The following ZIM2 variants were observed in gnomAD, a reference collection of about 807,000 sequenced individuals.
ZIM2 encodes the protein zinc finger imprinted 2.
Under a neutral mutation model 38.6 loss-of-function variants are expected in ZIM2, and 14 were observed. That is an observed-to-expected ratio of 0.36 (90% CI 0.24 to 0.57). ZIM2 has a LOEUF of 0.57. ZIM2 is among the 20% of genes least tolerant of loss of function. The pLI is 0.81. For missense variants in ZIM2, 680 were observed against 695.1 expected, an observed-to-expected ratio of 0.98 and a Z score of 0.24; for synonymous variants, 247 against 245.8, an observed-to-expected ratio of 1.00 and a Z score of -0.04.
intron 10 of ZIM2, among the ~76,000 whole-genome samples, chr19:56,783,567 G>A (rs113156007): frequency 7.2e-5 from 11 of 152,298 alleles, no homozygotes; most frequent in African/African-American, 2.4e-4. Flanking sequence ...GCGAACTAAC[G>A]CAGAAACAGA....
At chr19:56,815,609 T>G in intron 9 of ZIM2, 1 of 1,614,212 alleles carries the variant, frequency 6.2e-7, no homozygotes, top group East Asian at 2.2e-5. Flanking sequence ...TCATTGCTCC[T>G]ATGCTCAATG....
At chr19:56,829,291 C>T (rs112997664) in intron 2 of ZIM2, among the ~76,000 whole-genome samples, 5,720 of 147,346 alleles carry the variant, frequency 0.039, 347 homozygotes, top group African/African-American at 0.14. Flanking sequence ...TTGCAGTGAG[C>T]CAAAATCGCA....
chr19:56,833,760 T>C, intron 2 of ZIM2: 1 of 154,244 alleles, frequency 6.5e-6, no homozygotes. Flanking sequence ...TCTGGTCCAA[T>C]CACCTATGAA....
chr19:56,816,729 G>C (rs764706496), intron 9 of ZIM2: 1 of 1,614,080 alleles, frequency 6.2e-7, no homozygotes, highest in Non-Finnish European at 8.5e-7. Flanking sequence ...TATGAAGGAA[G>C]GTTTCCTTAC....
At chr19:56,783,513 A>G (rs1457769352) in intron 10 of ZIM2, among the ~76,000 whole-genome samples, 2 of 151,572 alleles carry the variant, frequency 1.3e-5, no homozygotes, top group Non-Finnish European at 3.0e-5. Context: ...AGCAACCGGA[A>G]TGCAACCGGA....
chr19:56,803,447 C>T (rs191096737), intron 9 of ZIM2, among the ~76,000 whole-genome samples: 53 of 152,328 alleles, frequency 3.5e-4, no homozygotes, highest in East Asian at 1.9e-3. Flanking sequence ...TACAAGCCAG[C>T]GCTCTCTTGC....
intron 9 of ZIM2, chr19:56,791,154 G>A (rs2046911129): frequency 6.6e-6 from 1 of 152,086 alleles, no homozygotes; most frequent in Admixed American, 6.6e-5. Context: ...ATATCCATAT[G>A]AGGCACTCAT....
intron 6 of ZIM2, 116 bp downstream of exon 6, chr19:56,822,637 G>T: frequency 7.1e-7 from 1 of 1,412,984 alleles, no homozygotes; most frequent in Non-Finnish European, 9.6e-7. Context: ...TTGGGGAAGC[G>T]GAATATACTC....
intron 9 of ZIM2, chr19:56,816,138 G>A (rs757486616): frequency 1.2e-6 from 2 of 1,613,564 alleles, no homozygotes; most frequent in Non-Finnish European, 1.7e-6. Context: ...TTGCCTCATA[G>A]ACATTTTCCT....
At position 56,775,355 on chromosome 19, in the gene ZIM2, G is replaced by A. The variant is rs1323843845; in HGVS notation, c.1010C>T (p.Pro337Leu). 8.1e-6 allele frequency: 13 copies of A among 1,614,020 alleles called. No homozygotes were observed. Among genetic ancestry groups the A allele is most frequent in the East Asian group, 4.5e-5 (2 of 44,898 alleles). ...KQSKDPLGKD[P>L]QEGTAPGICT... ...TATTCCAGGAGCAGTGCCTTCCTGG[G>A]GATCCTTTCCTAGAGGATCCTTTGA... The change falls in exon 13 of 13, where the codon CCC (proline) becomes CTC (leucine). Residue 337 changes from proline (P) to leucine (L), a missense_variant. By Grantham distance (98) the Pro-to-Leu change is moderately conservative. Coordinates refer to ENST00000629319, the MANE Select transcript of ZIM2 (RefSeq NM_001387356.1).
intron 3 of ZIM2, chr19:56,824,869 C>T (rs571612035): frequency 1.1e-5 from 6 of 541,260 alleles, no homozygotes; most frequent in Admixed American, 3.1e-5. Flanking sequence ...GGCAAACAAC[C>T]GCACAAAGTT....
chr19:56,821,889 G>A (rs2060524399), intron 6 of ZIM2, 135 bp from the exon 7 acceptor site: 3 of 929,172 alleles, frequency 3.2e-6, no homozygotes, highest in Non-Finnish European at 5.0e-6. Flanking sequence ...TCTGCATTCT[G>A]TGGCAGCCTC....
intron 10 of ZIM2, chr19:56,782,442 G>A: frequency 2.2e-6 from 1 of 465,070 alleles, no homozygotes; most frequent in East Asian, 6.6e-5. Flanking sequence ...TTCTTTGTGA[G>A]TTTGGGTAGG....
At chr19:56,838,957 C>G (rs2062579595) in intron 1 of ZIM2, among the ~76,000 whole-genome samples, 1 of 152,176 alleles carries the variant, frequency 6.6e-6, no homozygotes, top group African/African-American at 2.4e-5. Context: ...CCCATGCCAC[C>G]TGCAGCCACT....
At chr19:56,817,678 G>A (rs2060107020) in intron 9 of ZIM2, 68 bp downstream of exon 9, 1 of 1,542,634 alleles carries the variant, frequency 6.5e-7, no homozygotes, top group Non-Finnish European at 9.0e-7. Flanking sequence ...GGAATGCAAA[G>A]TGTAGAAGTT....
intron 12 of ZIM2, among the ~76,000 whole-genome samples, chr19:56,775,972 G>A (rs567219490): frequency 2.0e-5 from 3 of 152,020 alleles, no homozygotes; most frequent in African/African-American, 4.8e-5. Context: ...ATGGTGGCGC[G>A]TGCCTGTAGT....
At chr19:56,789,353 C>T (rs956444557) in intron 10 of ZIM2, among the ~76,000 whole-genome samples, 6 of 152,196 alleles carry the variant, frequency 3.9e-5, no homozygotes, top group African/African-American at 1.4e-4. Flanking sequence ...CCTTAGGCAG[C>T]AATAACTAAG....
chr19:56,807,456 A>G (rs150822785), intron 9 of ZIM2, among the ~76,000 whole-genome samples: 1 of 152,326 alleles, frequency 6.6e-6, no homozygotes, highest in Non-Finnish European at 1.5e-5. Context: ...TCCCTTGAAA[A>G]TAAGTCTTCT....
At chr19:56,822,283 CCAA>C (rs1192511842) in intron 6 of ZIM2, among the ~76,000 whole-genome samples, 4 of 152,324 alleles carry the variant, frequency 2.6e-5, no homozygotes, top group South Asian at 2.1e-4. Flanking sequence ...AGTATGGACA[CCAA>C]CAATACACTG....
Sources: gnomAD v4.1 joint callset for allele counts (sites outside exome capture counted in the v4.1 genomes callset) on GRCh38, gnomAD v4.1.1 for gene constraint, MANE v1.5 for transcripts, NCBI Gene and HGNC (gene_info 2026-07-23, HGNC 2026-07-21) for gene names.